The following CHID1 variants were observed in gnomAD, a reference collection of about 807,000 sequenced individuals.
CHID1 encodes the protein chitinase domain-containing protein 1.
CHID1 carries 44 observed loss-of-function variants against 55.4 expected under a neutral mutation model. That is an observed-to-expected ratio of 0.79 (90% CI 0.62 to 1.02). The LOEUF (loss-of-function observed/expected upper bound fraction) is 1.02, where lower values mean the gene tolerates loss of function less well. CHID1 is among the 50% of genes least tolerant of loss of function. The probability of loss-of-function intolerance (pLI) is 0.00; values close to 1 mark genes in which losing one functional copy is unlikely to be tolerated. For missense variants in CHID1, 491 were observed against 515.3 expected (o/e 0.95, Z 0.46); for synonymous variants, 216 against 212.9 (o/e 1.01, Z -0.13).
At position 904,563 on chromosome 11, in the gene CHID1, C is replaced by T. The variant is rs377042773; in HGVS notation, c.111+143G>A. The stretch of plus-strand genomic sequence containing the variant: ...CCCCAGAGCCACACAGGCCACCCAC[C>T]GGCTGCGGGCTCATCAGGTGCCTTT... On this transcript the variant is annotated intron_variant, in intron 2 of 12. Coordinates refer to ENST00000323578, the MANE Select transcript of CHID1 (RefSeq NM_023947.4). 5.4e-4 allele frequency: 480 copies of T among 887,814 alleles called. 1 individual carries two copies. In the East Asian group the frequency reaches 1.0e-2, roughly 18 times the overall value. The allele number at this position is 887,814 out of a possible 1,614,324, so 55.0% of individuals were successfully genotyped here.
chr11:914,188 G>T (rs1317646702), upstream of CHID1: 1 of 160,228 alleles, frequency 6.2e-6, no homozygotes, highest in South Asian at 1.6e-4. Flanking sequence ...TCAATGTATT[G>T]AAATTAAATT....
At chr11:872,012 C>T (rs1009135373) in intron 10 of CHID1, among the ~76,000 whole-genome samples, 28 of 152,272 alleles carry the variant, frequency 1.8e-4, no homozygotes, top group African/African-American at 4.8e-4. Context: ...CAGCAGTGCT[C>T]GACAAAGTGC....
At chr11:876,649 TC>T (rs1313994072) in intron 10 of CHID1, among the ~76,000 whole-genome samples, 1 of 152,190 alleles carries the variant, frequency 6.6e-6, no homozygotes, top group Non-Finnish European at 1.5e-5. Flanking sequence ...GGGCGTGCCC[TC>T]CCTGCTGTAC....
Position 875,294 on chromosome 11 carries a change from C to T in CHID1, c.960-4795G>A, listed in dbSNP as rs1015825867. Among the ~76,000 whole-genome samples the T allele has an allele frequency of 5.9e-5, 9 of 152,122 alleles. No homozygotes were observed. The highest frequency in any genetic ancestry group is 1.3e-4 in the Admixed American group (2 of 15,280). ...TCCTCGGTGGGTGGCCATCCTTCTTCGGGGCTGTCCTGTCTGAAATGTGGG... is the reference window on the plus strand; with the variant it reads ...TCCTCGGTGGGTGGCCATCCTTCTTTGGGGCTGTCCTGTCTGAAATGTGGG... On this transcript the variant is annotated intron_variant, in intron 10 of 12. Coordinates refer to ENST00000323578, the MANE Select transcript of CHID1 (RefSeq NM_023947.4). This position sits in a 1 kb window ranked among gnomAD's most constrained non-coding sequence, Gnocchi z 4.7.
intron 8 of CHID1, among the ~76,000 whole-genome samples, chr11:885,102 C>T (rs982052785): frequency 6.6e-6 from 1 of 152,234 alleles, no homozygotes; most frequent in African/African-American, 2.4e-5. Flanking sequence ...GGAGGAGCAG[C>T]ATGCACTGAA....
chr11:881,224 G>A (rs1034969603), intron 10 of CHID1, among the ~76,000 whole-genome samples: 1 of 152,104 alleles, frequency 6.6e-6, no homozygotes, highest in Non-Finnish European at 1.5e-5. Context: ...CAGGAGGATC[G>A]CTTGAGCCCA....
In CHID1 at chr11:898,066, CCACT is replaced by C. The variant is rs1039048218; in HGVS notation, c.608+1270_608+1273del. Among the ~76,000 whole-genome samples, 24 of 152,292 alleles carry C rather than the reference CCACT, an allele frequency of 1.6e-4. No individual in the cohort carries two copies. In the South Asian group the frequency reaches 1.9e-3, roughly 12 times the overall value. ...AGCGGCAGGGCTGCAGAGGCTGGAG[CCACT>C]CACAGGGGCAGGGCCTGTACCGGCT... On this transcript the variant is annotated intron_variant, in intron 7 of 12. Coordinates refer to ENST00000323578, the MANE Select transcript of CHID1 (RefSeq NM_023947.4).
intron 8 of CHID1, among the ~76,000 whole-genome samples, chr11:888,232 C>T (rs1342863461): frequency 6.6e-6 from 1 of 152,222 alleles, no homozygotes; most frequent in Non-Finnish European, 1.5e-5. Flanking sequence ...CACGAGGGAA[C>T]AAAGCAGGCC....
intron 1 of CHID1, among the ~76,000 whole-genome samples, chr11:909,638 A>G (rs1400480232): frequency 6.6e-6 from 1 of 152,168 alleles, no homozygotes; most frequent in Non-Finnish European, 1.5e-5. Flanking sequence ...ACATGTGTAG[A>G]GCGACAGCAG....
At chr11:876,558 G>A (rs1849531360) in intron 10 of CHID1, among the ~76,000 whole-genome samples, 1 of 152,196 alleles carries the variant, frequency 6.6e-6, no homozygotes, top group Non-Finnish European at 1.5e-5. Flanking sequence ...GGAAGACACT[G>A]GTGGCTGTCA....
intron 10 of CHID1, among the ~76,000 whole-genome samples, chr11:877,348 T>C (rs1849585489): frequency 6.6e-6 from 1 of 152,200 alleles, no homozygotes; most frequent in Non-Finnish European, 1.5e-5. Flanking sequence ...CCTCCACAGC[T>C]CAGGCATTCC....
intron 7 of CHID1, among the ~76,000 whole-genome samples, chr11:897,873 G>A (rs1225439955): frequency 1.3e-5 from 2 of 152,066 alleles, no homozygotes; most frequent in Admixed American, 6.5e-5. Context: ...TGGGCACCAG[G>A]ATCCAGTGGG....
chr11:872,332 AT>A (rs1269935193), intron 10 of CHID1, among the ~76,000 whole-genome samples: 1 of 152,110 alleles, frequency 6.6e-6, no homozygotes, highest in Non-Finnish European at 1.5e-5. Flanking sequence ...TGGTTTTTGT[AT>A]TTTTAGTAGA....
chr11:914,796 G>A (rs914747397), upstream of CHID1: 6 of 345,692 alleles, frequency 1.7e-5, no homozygotes, highest in Non-Finnish European at 2.8e-5. Context: ...GGCTGGGTTT[G>A]TGTCTTCCCC....
intron 8 of CHID1, among the ~76,000 whole-genome samples, chr11:886,150 C>CAAA (rs35216304): frequency 4.9e-5 from 1 of 20,328 alleles, no homozygotes; most frequent in Non-Finnish European, 9.7e-5. Flanking sequence ...GACTCCGTCT[C>CAAA]AAAAAAAGAA....
chr11:870,201 T>G, intron 11 of CHID1, 38 bp from the exon 12 acceptor site: 3 of 1,612,842 alleles, frequency 1.9e-6, no homozygotes, highest in Non-Finnish European at 2.5e-6. Flanking sequence ...TCCGCTCTGC[T>G]GGTTCCAGGC....
Position 904,774 on chromosome 11 carries a change from T to C in CHID1, c.43A>G (p.Ser15Gly). The change falls in exon 2 of 13, where the codon AGC (serine) becomes GGC (glycine). Residue 15 changes from serine (S) to glycine (G), a missense_variant. Transcript: ENST00000323578. ...FNLLWLALAC[S>G]PVHTTLSKSD... is the part of the protein sequence containing the mutation. Reference sequence around the variant, plus strand: ...TTTGACAGGGTAGTGTGAACAGGGCTGCAGGCCAGGGCAAGCCAGAGGAGG... The same window carrying C: ...TTTGACAGGGTAGTGTGAACAGGGCCGCAGGCCAGGGCAAGCCAGAGGAGG... 1 of 1,614,110 alleles carries C rather than the reference T, an allele frequency of 6.2e-7. No individual in the cohort carries two copies. The highest frequency in any genetic ancestry group is 8.5e-7 in the Non-Finnish European group (1 of 1,180,036).
chr11:910,043 C>A (rs1852536995), intron 1 of CHID1, among the ~76,000 whole-genome samples: 1 of 150,660 alleles, frequency 6.6e-6, no homozygotes, highest in Admixed American at 6.6e-5. Context: ...TGGGTGACAG[C>A]GTGAGACTCT....
intron 7 of CHID1, among the ~76,000 whole-genome samples, chr11:897,976 A>G (rs1367328060): frequency 1.3e-5 from 2 of 152,108 alleles, no homozygotes; most frequent in East Asian, 1.9e-4. Flanking sequence ...GCCTGGGAGC[A>G]GTTCCGGGAA....
Sources: gnomAD v4.1 joint callset for allele counts (sites outside exome capture counted in the v4.1 genomes callset) on GRCh38, gnomAD v4.1.1 for gene constraint, Gnocchi (gnomAD v3.1) non-coding constraint, MANE v1.5 for transcripts, NCBI Gene and HGNC (gene_info 2026-07-23, HGNC 2026-07-21) for gene names.